Variants in REDIC1 observed in about 807,000 individuals in gnomAD.
REDIC1 encodes the protein regulator of DNA class I crossover intermediates 1, also known as HEI10 Interacting Protein 1.
At chr12:39,805,301 G>T in the REDIC1 span, among the ~76,000 whole-genome samples, 1 of 152,178 alleles carries the variant, frequency 6.6e-6, no homozygotes, top group African/African-American at 2.4e-5. Context: ...TGGCTGCTCT[G>T]CTTTGCAGGG....
At chr12:39,655,052 A>G in the REDIC1 span, among the ~76,000 whole-genome samples, 5 of 152,138 alleles carry the variant, frequency 3.3e-5, no homozygotes, top group South Asian at 1.0e-3. Context: ...AAATCCTTTT[A>G]GTTTCTGTAA....
At chr12:39,663,985 A>G in the REDIC1 span, among the ~76,000 whole-genome samples, 19 of 151,808 alleles carry the variant, frequency 1.3e-4, no homozygotes, top group Non-Finnish European at 7.4e-5. Flanking sequence ...CTCCTGGCCT[A>G]TAAGATTTCT....
At chr12:39,837,509 G>C in the REDIC1 span, among the ~76,000 whole-genome samples, 1 of 139,958 alleles carries the variant, frequency 7.1e-6, no homozygotes, top group East Asian at 2.1e-4. Context: ...TTAAACTAAA[G>C]AGCTTCTGCA....
chr12:39,877,077 G>T, the REDIC1 span, among the ~76,000 whole-genome samples: 2 of 151,972 alleles, frequency 1.3e-5, no homozygotes, highest in African/African-American at 2.4e-5. Context: ...CATTAAAAGA[G>T]GTTCTTTTAA....
chr12:39,809,468 T>C, the REDIC1 span, among the ~76,000 whole-genome samples: 1 of 152,154 alleles, frequency 6.6e-6, no homozygotes, highest in Admixed American at 6.5e-5. Flanking sequence ...ATTACTTGAG[T>C]TGATCTAGAG....
At chr12:39,699,042 GA>G in the REDIC1 span, among the ~76,000 whole-genome samples, 48 of 151,972 alleles carry the variant, frequency 3.2e-4, no homozygotes, top group African/African-American at 9.7e-4. Flanking sequence ...AAGTATCAAT[GA>G]AAAAAAGTTG....
the REDIC1 span, among the ~76,000 whole-genome samples, chr12:39,727,169 T>C: frequency 6.6e-6 from 1 of 152,214 alleles, no homozygotes; most frequent in Non-Finnish European, 1.5e-5. Flanking sequence ...ATCCCATTTG[T>C]CAATTTTGGC....
the REDIC1 span, among the ~76,000 whole-genome samples, chr12:39,877,382 G>A: frequency 6.6e-6 from 1 of 152,000 alleles, no homozygotes; most frequent in South Asian, 2.1e-4. Flanking sequence ...CTTATCACAA[G>A]AACAGAATTG....
the REDIC1 span, among the ~76,000 whole-genome samples, chr12:39,666,383 T>C: frequency 6.6e-6 from 1 of 152,214 alleles, no homozygotes; most frequent in African/African-American, 2.4e-5. Context: ...GATTTGCATA[T>C]GTTGAACCAG....
chr12:39,844,123 A>T, the REDIC1 span, among the ~76,000 whole-genome samples: 1 of 152,098 alleles, frequency 6.6e-6, no homozygotes, highest in African/African-American at 2.4e-5. Flanking sequence ...ATAAACATTG[A>T]TGTGTCCCTA....
At chr12:39,773,970 A>C in the REDIC1 span, among the ~76,000 whole-genome samples, 1 of 152,150 alleles carries the variant, frequency 6.6e-6, no homozygotes, top group Admixed American at 6.5e-5. Flanking sequence ...GCACGATTTT[A>C]TTTCCAGTTC....
chr12:39,874,469 G>T, the REDIC1 span, among the ~76,000 whole-genome samples: 1 of 152,040 alleles, frequency 6.6e-6, no homozygotes, highest in Non-Finnish European at 1.5e-5. Context: ...CAAAAAATTA[G>T]CTGGGCATGG....
At chr12:39,699,467 C>T in the REDIC1 span, among the ~76,000 whole-genome samples, 5 of 152,242 alleles carry the variant, frequency 3.3e-5, no homozygotes, top group Non-Finnish European at 5.9e-5. Context: ...GGGAGTCTCT[C>T]TGATTGCTAG....
chr12:39,720,814 C>T, the REDIC1 span: 6 of 1,611,286 alleles, frequency 3.7e-6, no homozygotes, highest in East Asian at 8.9e-5. Context: ...TCAAATATCA[C>T]AGCAAATTGA....
At chr12:39,734,023 A>G in the REDIC1 span, among the ~76,000 whole-genome samples, 1 of 152,140 alleles carries the variant, frequency 6.6e-6, no homozygotes, top group Admixed American at 6.5e-5. Context: ...CTTGAAACCC[A>G]GGGCCCTGGT....
chr12:39,752,159 G>T, the REDIC1 span, among the ~76,000 whole-genome samples: 1 of 152,180 alleles, frequency 6.6e-6, no homozygotes, highest in Non-Finnish European at 1.5e-5. Flanking sequence ...TTCTAGCGTG[G>T]AATCCTCAGT....
chr12:39,670,900 ATCTC>A, the REDIC1 span, among the ~76,000 whole-genome samples: 5 of 151,530 alleles, frequency 3.3e-5, no homozygotes, highest in Non-Finnish European at 7.4e-5. Flanking sequence ...TTTTTGTGAT[ATCTC>A]TCTTTGTGAA....
the REDIC1 span, among the ~76,000 whole-genome samples, chr12:39,848,441 A>G: frequency 6.6e-6 from 1 of 152,210 alleles, no homozygotes; most frequent in Non-Finnish European, 1.5e-5. Flanking sequence ...ATCACTAATC[A>G]TTAGAGAAAT....
At chr12:39,830,080 G>C in the REDIC1 span, 1 of 1,612,778 alleles carries the variant, frequency 6.2e-7, no homozygotes, top group South Asian at 1.1e-5. Context: ...TTATATATTC[G>C]TATGGTAAAA....
Sources: allele counts gnomAD v4.1 joint callset (sites outside exome capture counted in the v4.1 genomes callset), GRCh38; gene constraint gnomAD v4.1.1; transcripts MANE v1.5; gene names NCBI Gene and HGNC (gene_info 2026-07-23, HGNC 2026-07-21).